PAIP2B: variants seen among roughly 807,000 people sequenced by gnomAD.
PAIP2B encodes poly(A) binding protein interacting protein 2B, also known as polyadenylate-binding protein-interacting protein 2B.
Under a neutral mutation model 17.0 loss-of-function variants are expected in PAIP2B, and 13 were observed. That is an observed-to-expected ratio of 0.76 (90% CI 0.50 to 1.22). The LOEUF is 1.22. Ranked by LOEUF, PAIP2B falls within the 50% of genes most tolerant of loss-of-function variation. The probability of loss-of-function intolerance (pLI) is 0.00; values close to 1 mark genes in which losing one functional copy is unlikely to be tolerated. For missense variants in PAIP2B, 117 were observed against 144.5 expected, an observed-to-expected ratio of 0.81 and a Z score of 0.98; for synonymous variants, 43 against 48.7, an observed-to-expected ratio of 0.88 and a Z score of 0.48.
At chr2:71,225,746 C>T (rs1481744490) in intron 1 of PAIP2B, among the ~76,000 whole-genome samples, 2 of 152,166 alleles carry the variant, frequency 1.3e-5, no homozygotes, top group Non-Finnish European at 2.9e-5. Context: ...TACTTAGGCA[C>T]AGCATAGTTT....
intron 1 of PAIP2B, among the ~76,000 whole-genome samples, chr2:71,224,103 A>G (rs922460019): frequency 1.2e-4 from 18 of 152,200 alleles, no homozygotes; most frequent in African/African-American, 4.1e-4. Flanking sequence ...GCCCTCATAC[A>G]AAGATGACCA....
intron 1 of PAIP2B, among the ~76,000 whole-genome samples, chr2:71,208,961 C>G (rs13012800): frequency 0.094 from 14,350 of 152,176 alleles, 735 homozygotes; most frequent in Non-Finnish European, 0.12. Context: ...AACTATGAGA[C>G]AATAAATGTT....
intron 1 of PAIP2B, among the ~76,000 whole-genome samples, chr2:71,213,974 T>A (rs1230216435): frequency 6.6e-6 from 1 of 152,164 alleles, no homozygotes; most frequent in Non-Finnish European, 1.5e-5. Flanking sequence ...CTCCCAGTTG[T>A]TTTCATACAA....
rs376634750 is a variant in PAIP2B, at chr2:71,185,355, C to T, written c.*3124G>A. The T allele has an allele frequency of 1.1e-4, 17 of 151,944 alleles. No homozygotes were observed. In the East Asian group the frequency reaches 2.9e-3, roughly 26 times the overall value. The allele number at this position is 151,944 out of a possible 1,614,324, so 9.4% of individuals were successfully genotyped here. A position where few individuals can be genotyped will look rare whatever the true frequency, so the allele number is the denominator to read the frequency against. On this transcript the variant is annotated 3_prime_UTR_variant, in exon 4 of 4. Coordinates refer to ENST00000244221, the MANE Select transcript of PAIP2B (RefSeq NM_020459.1). ...GGAGAATCACTTGAGCACAACAATT[C>T]AAGAGTAGCTTGGGAAATAGAGCAA...
At position 71,226,982 on chromosome 2, in the gene PAIP2B, C is replaced by T. The variant is rs540903081; in HGVS notation, c.-66G>A. ...TCGTACTCTGCCACTCCTCCGAGAGCTTAAGCCGTTGCCGTAGAGGTCGCC... is the reference window on the plus strand; with the variant it reads ...TCGTACTCTGCCACTCCTCCGAGAGTTTAAGCCGTTGCCGTAGAGGTCGCC... On this transcript the variant is annotated 5_prime_UTR_variant, in exon 1 of 4. Transcript: ENST00000244221. The T allele has an allele frequency of 6.5e-6, 1 of 153,212 alleles. No homozygotes were observed. Among genetic ancestry groups the T allele is most frequent in the Non-Finnish European group, 1.5e-5 (1 of 68,140 alleles). The allele number at this position is 153,212 out of a possible 1,614,324, so 9.5% of individuals were successfully genotyped here.
chr2:71,218,351 GA>G lies in PAIP2B; in HGVS notation c.-12+8576del, dbSNP rs570478530. 8.8e-3 allele frequency among the ~76,000 whole-genome samples: 1,323 copies of G among 151,042 alleles called. 16 individuals are homozygous for G. The highest frequency in any genetic ancestry group is 0.03 in the African/African-American group (1,238 of 41,186). On this transcript the variant is annotated intron_variant, in intron 1 of 3. Transcript: ENST00000244221. Reference sequence around the variant, plus strand: ...TTTTATAATTTTATAAAATTACTCAGAAAAAAACAAATAATGGAGAAATAAG... The same window carrying G: ...TTTTATAATTTTATAAAATTACTCAGAAAAAACAAATAATGGAGAAATAAG...
In PAIP2B at chr2:71,183,596, G is replaced by T. The variant is rs961172788; in HGVS notation, c.*4883C>A. The T allele has an allele frequency of 6.7e-6, 1 of 150,184 alleles. No homozygotes were observed. Among genetic ancestry groups the T allele is most frequent in the African/African-American group, 2.5e-5 (1 of 40,672 alleles). 9.3% of individuals were successfully genotyped at this position (150,184 alleles called of 1,614,324 possible). Reference sequence around the variant, plus strand: ...ACATCCATCAACAGAATTCTACTCAGCAATAAAAGGAACAAACTACCAAGA... The same window carrying T: ...ACATCCATCAACAGAATTCTACTCATCAATAAAAGGAACAAACTACCAAGA... On this transcript the variant is annotated 3_prime_UTR_variant, in exon 4 of 4. Coordinates refer to ENST00000244221, the MANE Select transcript of PAIP2B (RefSeq NM_020459.1).
At chr2:71,211,871 C>A (rs1228992946) in intron 1 of PAIP2B, among the ~76,000 whole-genome samples, 1 of 152,154 alleles carries the variant, frequency 6.6e-6, no homozygotes, top group African/African-American at 2.4e-5. Flanking sequence ...AAGGTAGAAT[C>A]AAAAGACTTG....
intron 2 of PAIP2B, among the ~76,000 whole-genome samples, chr2:71,195,962 C>A (rs1433923892): frequency 1.3e-5 from 2 of 152,136 alleles, no homozygotes; most frequent in African/African-American, 4.8e-5. Context: ...TTTCAAAAAA[C>A]CAACTCCTGG....
At chr2:71,216,965 T>C (rs1324538115) in intron 1 of PAIP2B, among the ~76,000 whole-genome samples, 2 of 152,220 alleles carry the variant, frequency 1.3e-5, no homozygotes, top group African/African-American at 4.8e-5. Context: ...TCAGTTCTCA[T>C]CCAGACTGCT....
At chr2:71,190,144 G>T in intron 2 of PAIP2B, 123 bp from the exon 3 acceptor site, 1 of 991,604 alleles carries the variant, frequency 1.0e-6, no homozygotes, top group Non-Finnish European at 1.4e-6. Flanking sequence ...CTTGAGCTGG[G>T]TGTGGTGGCT....
chr2:71,223,120 G>T (rs2103833115), intron 1 of PAIP2B, among the ~76,000 whole-genome samples: 1 of 152,290 alleles, frequency 6.6e-6, no homozygotes, highest in Middle Eastern at 3.4e-3. Flanking sequence ...ACAGATTAAA[G>T]CAGAGTTTGA....
At chr2:71,195,611 T>C (rs1674796214) in intron 2 of PAIP2B, among the ~76,000 whole-genome samples, 1 of 152,174 alleles carries the variant, frequency 6.6e-6, no homozygotes, top group South Asian at 2.1e-4. Flanking sequence ...CTCTATTTTC[T>C]TCTTAATTAC....
intron 1 of PAIP2B, among the ~76,000 whole-genome samples, chr2:71,211,108 G>A (rs374234603): frequency 4.5e-4 from 69 of 152,202 alleles, no homozygotes; most frequent in African/African-American, 1.5e-3. Context: ...TTAGCTGGGC[G>A]TGGTGGCAGG....
At chr2:71,189,343 T>C (rs945243622) in intron 3 of PAIP2B, among the ~76,000 whole-genome samples, 2 of 152,212 alleles carry the variant, frequency 1.3e-5, no homozygotes, top group African/African-American at 4.8e-5. Context: ...TACATAAATA[T>C]GAAAGGCAGG....
chr2:71,220,892 T>C (rs545370682), intron 1 of PAIP2B, among the ~76,000 whole-genome samples: 12 of 152,238 alleles, frequency 7.9e-5, no homozygotes, highest in Non-Finnish European at 1.5e-4. Context: ...ACCTCACTTG[T>C]CACATGATAA....
intron 2 of PAIP2B, among the ~76,000 whole-genome samples, chr2:71,199,953 A>G (rs531874334): frequency 6.6e-6 from 1 of 152,250 alleles, no homozygotes; most frequent in Non-Finnish European, 1.5e-5. Flanking sequence ...TTCCTGAGTT[A>G]CTTTAAAATA....
chr2:71,214,291 T>C (rs748949278), intron 1 of PAIP2B, among the ~76,000 whole-genome samples: 2 of 152,208 alleles, frequency 1.3e-5, no homozygotes, highest in Non-Finnish European at 2.9e-5. Context: ...AAGGCTATAA[T>C]AGAAAACTCT....
rs1019809555 is a variant in PAIP2B at position 71,183,591 on chromosome 2, A to G, written c.*4888T>C. The G allele has an allele frequency of 6.7e-6, 1 of 150,272 alleles. No homozygotes were observed. Among genetic ancestry groups the G allele is most frequent in the Admixed American group, 6.7e-5 (1 of 15,014 alleles). The allele number at this position is 150,272 out of a possible 1,614,324, so 9.3% of individuals were successfully genotyped here. On this transcript the variant is annotated 3_prime_UTR_variant, in exon 4 of 4. Transcript: ENST00000244221. ...GTGGTACATCCATCAACAGAATTCT[A>G]CTCAGCAATAAAAGGAACAAACTAC...
Sources: gnomAD v4.1 joint callset for allele counts (sites outside exome capture counted in the v4.1 genomes callset) on GRCh38, gnomAD v4.1.1 for gene constraint, MANE v1.5 for transcripts, NCBI Gene and HGNC (gene_info 2026-07-23, HGNC 2026-07-21) for gene names.